The following ASB3 variants were observed in gnomAD, a reference collection of about 807,000 sequenced individuals.
ASB3 encodes the protein ankyrin repeat and SOCS box protein 3.
Under a neutral mutation model 54.5 loss-of-function variants are expected in ASB3, and 41 were observed. The observed-to-expected ratio is 0.75, with a 90% confidence interval of 0.59 to 0.98. The LOEUF (loss-of-function observed/expected upper bound fraction) is 0.98. Ranked by LOEUF, ASB3 falls within the 50% of genes least tolerant of loss-of-function variation. The pLI, the probability that ASB3 is intolerant of heterozygous loss-of-function variation, is 0.00. For synonymous variants in ASB3, 266 were observed against 221.2 expected, an observed-to-expected ratio of 1.20 and a Z score of -1.80; for missense variants, 733 against 620.0, an observed-to-expected ratio of 1.18 and a Z score of -1.94.
At chr2:53,711,594 G>A (rs541466220) in intron 7 of ASB3, among the ~76,000 whole-genome samples, 2 of 152,232 alleles carry the variant, frequency 1.3e-5, no homozygotes, top group East Asian at 3.9e-4. Flanking sequence ...GGCCAACATG[G>A]TGAAATCCCA....
chr2:53,681,549 A>G (rs1275161389), intron 9 of ASB3, among the ~76,000 whole-genome samples: 1 of 152,222 alleles, frequency 6.6e-6, no homozygotes, highest in Non-Finnish European at 1.5e-5. Context: ...GGCCAGAGAT[A>G]GGGGTCTAGT....
chr2:53,769,964 A>C (rs2104133882), intron 1 of ASB3, among the ~76,000 whole-genome samples: 1 of 152,354 alleles, frequency 6.6e-6, no homozygotes, highest in Non-Finnish European at 1.5e-5. Context: ...GTTAGTTTGC[A>C]TTCTAGAATG....
chr2:53,721,648 A>T (rs547818523), intron 5 of ASB3, among the ~76,000 whole-genome samples: 5 of 152,100 alleles, frequency 3.3e-5, no homozygotes, highest in Non-Finnish European at 5.9e-5. Context: ...GAAATCAAAA[A>T]ATTCTTTGAA....
At chr2:53,724,911 C>G (rs1670909285) in intron 5 of ASB3, among the ~76,000 whole-genome samples, 2 of 152,094 alleles carry the variant, frequency 1.3e-5, no homozygotes, top group African/African-American at 4.8e-5. Flanking sequence ...CCATTCAACC[C>G]AGCAATTCCA....
intron 4 of ASB3, among the ~76,000 whole-genome samples, chr2:53,729,068 T>A (rs1671160116): frequency 6.6e-6 from 1 of 152,138 alleles, no homozygotes; most frequent in Non-Finnish European, 1.5e-5. Flanking sequence ...CATGAAACAC[T>A]GATCTCTAGG....
At chr2:53,764,342 G>A (rs921427390) in intron 2 of ASB3, among the ~76,000 whole-genome samples, 3 of 152,046 alleles carry the variant, frequency 2.0e-5, no homozygotes, top group Non-Finnish European at 4.4e-5. Flanking sequence ...GAAAAAAAAG[G>A]GCTTTAGAGT....
In ASB3 at chr2:53,765,599, T is replaced by C; in HGVS notation, c.-13-14A>G. The C allele has an allele frequency of 6.2e-7, 1 of 1,614,082 alleles. No individual in the cohort carries two copies. Among genetic ancestry groups the C allele is most frequent in the South Asian group, 1.1e-5 (1 of 91,074 alleles). Reference sequence around the variant, plus strand: ...TGTTTGACCAGTCTACAAAACAAGGTAGAAGGATAATACTATAGTCAATAA... The same window carrying C: ...TGTTTGACCAGTCTACAAAACAAGGCAGAAGGATAATACTATAGTCAATAA... On this transcript the variant is annotated splice_polypyrimidine_tract_variant and intron_variant, in intron 1 of 9. Transcript: ENST00000263634.
chr2:53,706,360 C>A (rs747546546), intron 7 of ASB3, among the ~76,000 whole-genome samples: 1 of 152,172 alleles, frequency 6.6e-6, no homozygotes, highest in Non-Finnish European at 1.5e-5. Context: ...CAAATCCTTG[C>A]TCTCAAGGAG....
chr2:53,692,320 A>T (rs565587685), intron 9 of ASB3, among the ~76,000 whole-genome samples: 1 of 152,214 alleles, frequency 6.6e-6, no homozygotes, highest in Non-Finnish European at 1.5e-5. Flanking sequence ...TCAATTTTGC[A>T]TATGTCAAGA....
intron 5 of ASB3, among the ~76,000 whole-genome samples, chr2:53,720,103 C>T (rs993722540): frequency 6.6e-6 from 1 of 150,568 alleles, no homozygotes; most frequent in Non-Finnish European, 1.5e-5. Context: ...AAGTGCATAT[C>T]TGAGTGCCTC....
intron 5 of ASB3, among the ~76,000 whole-genome samples, chr2:53,720,580 G>C (rs56214822): frequency 0.17 from 26,578 of 152,114 alleles, 2,342 homozygotes; most frequent in South Asian, 0.23. Flanking sequence ...CAACATTGAA[G>C]CATCCAGTTT....
intron 1 of ASB3, chr2:53,767,791 C>T: frequency 2.0e-6 from 3 of 1,483,630 alleles, no homozygotes; most frequent in Non-Finnish European, 1.8e-6. Flanking sequence ...GCCTGCGCCC[C>T]GCGCGGCCGG....
At chr2:53,691,515 G>A (rs1668909724) in intron 9 of ASB3, among the ~76,000 whole-genome samples, 1 of 152,088 alleles carries the variant, frequency 6.6e-6, no homozygotes, top group Non-Finnish European at 1.5e-5. Context: ...AGGAAGAGGG[G>A]TAAAAGCAAG....
At chr2:53,677,207 C>A (rs759677691) in intron 9 of ASB3, among the ~76,000 whole-genome samples, 3 of 152,126 alleles carry the variant, frequency 2.0e-5, no homozygotes, top group Non-Finnish European at 4.4e-5. Context: ...TACTATGTAG[C>A]CTCAGGTGTG....
At chr2:53,705,856 C>T (rs1669739655) in intron 7 of ASB3, among the ~76,000 whole-genome samples, 1 of 151,854 alleles carries the variant, frequency 6.6e-6, no homozygotes. Context: ...TTGTAAATTA[C>T]AAAAGCTAGT....
At chr2:53,676,420 T>C (rs1668082428) in intron 9 of ASB3, among the ~76,000 whole-genome samples, 1 of 152,210 alleles carries the variant, frequency 6.6e-6, no homozygotes, top group Admixed American at 6.5e-5. Flanking sequence ...TTCTGTTAAA[T>C]AAGCCATTAC....
At chr2:53,744,464 A>C (rs1488038735) in intron 3 of ASB3, among the ~76,000 whole-genome samples, 1 of 152,134 alleles carries the variant, frequency 6.6e-6, no homozygotes, top group Non-Finnish European at 1.5e-5. Flanking sequence ...AAACTAAAAA[A>C]ACAAACAAAA....
chr2:53,753,045 TA>T (rs889676843), intron 2 of ASB3, among the ~76,000 whole-genome samples: 112 of 146,496 alleles, frequency 7.6e-4, no homozygotes, highest in Admixed American at 1.1e-3. Context: ...GTACGCAATT[TA>T]AAAAAAAAAA....
intron 3 of ASB3, among the ~76,000 whole-genome samples, chr2:53,738,116 G>A (rs939835981): frequency 2.6e-5 from 4 of 152,106 alleles, no homozygotes; most frequent in African/African-American, 9.7e-5. Flanking sequence ...CATGATATCA[G>A]GAACTAAGCC....
Sources: allele counts gnomAD v4.1 joint callset (sites outside exome capture counted in the v4.1 genomes callset), GRCh38; gene constraint gnomAD v4.1.1; transcripts MANE v1.5; gene names NCBI Gene and HGNC (gene_info 2026-07-23, HGNC 2026-07-21).